The following TAF1B variants were observed in gnomAD, a reference collection of about 807,000 sequenced individuals.
The protein encoded by TAF1B is TATA-box binding protein associated factor, RNA polymerase I subunit B, also known as TATA box-binding protein-associated factor RNA polymerase I subunit B.
A neutral mutation model predicts 83.9 loss-of-function variants in TAF1B; 61 were observed. That is an observed-to-expected ratio of 0.73 (90% CI 0.59 to 0.90). The LOEUF is 0.90. Ranked by LOEUF, TAF1B falls within the 40% of genes least tolerant of loss-of-function variation. The probability of loss-of-function intolerance (pLI) is 0.00; values close to 1 mark genes in which losing one functional copy is unlikely to be tolerated. For synonymous variants in TAF1B, 221 were observed against 224.6 expected (o/e 0.98, Z 0.14); for missense variants, 625 against 677.0 (o/e 0.92, Z 0.85).
At chr2:9,869,557 G>T (rs1664101648) in intron 6 of TAF1B, among the ~76,000 whole-genome samples, 1 of 151,684 alleles carries the variant, frequency 6.6e-6, no homozygotes, top group Non-Finnish European at 1.5e-5. Flanking sequence ...ATGATCCCTA[G>T]AGCTTTCTTT....
chr2:9,852,956 G>A (rs1251441042), intron 4 of TAF1B, among the ~76,000 whole-genome samples: 3 of 152,186 alleles, frequency 2.0e-5, no homozygotes, highest in African/African-American at 4.8e-5. Context: ...TGGATGCTGG[G>A]CCTACCCTGA....
intron 5 of TAF1B, among the ~76,000 whole-genome samples, chr2:9,867,707 C>T (rs906768160): frequency 6.6e-6 from 1 of 151,966 alleles, no homozygotes; most frequent in African/African-American, 2.4e-5. Flanking sequence ...TTCAACAGTA[C>T]ATGTGTGAAC....
rs1445718961 is a variant in TAF1B, at chr2:9,934,008, G to A, written c.*24G>A. 6.5e-7 allele frequency: 1 copy of A among 1,538,650 alleles called. No individual in the cohort carries two copies. Among genetic ancestry groups the A allele is most frequent in the Non-Finnish European group, 8.8e-7 (1 of 1,137,190 alleles). ...GAGAAAATGAAATAGAAACTTTCTG[G>A]AAAAATATTTTAATAGTGATAATAA... On this transcript the variant is annotated 3_prime_UTR_variant, in exon 15 of 15. Transcript: ENST00000263663.
chr2:9,906,691 C>T (rs953617212), intron 9 of TAF1B, among the ~76,000 whole-genome samples: 17 of 152,186 alleles, frequency 1.1e-4, no homozygotes, highest in African/African-American at 3.4e-4. Context: ...TTATGTATAA[C>T]GTAACCACAG....
rs989260396 is a variant in TAF1B at position 9,914,755 on chromosome 2, G to A, written c.1271+1506G>A. 2.6e-5 allele frequency among the ~76,000 whole-genome samples: 4 copies of A among 152,170 alleles called. No homozygotes were observed. The highest frequency in any genetic ancestry group is 2.1e-4 in the South Asian group (1 of 4,822). On this transcript the variant is annotated intron_variant, in intron 12 of 14. Coordinates refer to ENST00000263663, the MANE Select transcript of TAF1B (RefSeq NM_005680.3). This position sits in a 1 kb window ranked among gnomAD's most constrained non-coding sequence, Gnocchi z 4.3. ...AAGGTGGAGGCTGTCGAGGGGACCC[G>A]TTTCCAAGGTCCTTCTTCCTAGAGT...
chr2:9,900,780 C>T (rs1286975632), intron 8 of TAF1B, among the ~76,000 whole-genome samples: 2 of 151,966 alleles, frequency 1.3e-5, no homozygotes, highest in Non-Finnish European at 2.9e-5. Context: ...TTGCTTTTTG[C>T]GACAGGGTAA....
At chr2:9,897,710 G>A (rs447476) in intron 8 of TAF1B, among the ~76,000 whole-genome samples, 42,464 of 152,016 alleles carry the variant, frequency 0.28, 6,917 homozygotes, top group Middle Eastern at 0.4. Context: ...CTTCAAATGA[G>A]GGCCTTATTG....
chr2:9,903,621 A>T (rs1017390318), intron 8 of TAF1B, among the ~76,000 whole-genome samples: 1 of 152,198 alleles, frequency 6.6e-6, no homozygotes, highest in Admixed American at 6.5e-5. Flanking sequence ...TGAATTGTGG[A>T]TTTTTAACTA....
intron 5 of TAF1B, among the ~76,000 whole-genome samples, chr2:9,855,066 C>CT (rs1055220075): frequency 2.0e-4 from 30 of 152,280 alleles, no homozygotes; most frequent in African/African-American, 7.0e-4. Context: ...GCCATCTTGG[C>CT]TCACTGCAAC....
At chr2:9,867,695 G>A (rs1012418732) in intron 5 of TAF1B, among the ~76,000 whole-genome samples, 5 of 150,286 alleles carry the variant, frequency 3.3e-5, no homozygotes, top group Non-Finnish European at 5.9e-5. Flanking sequence ...ACACTCTGTT[G>A]TTTCAACAGT....
chr2:9,902,113 A>G (rs1665195164), intron 8 of TAF1B, among the ~76,000 whole-genome samples: 1 of 152,180 alleles, frequency 6.6e-6, no homozygotes, highest in Non-Finnish European at 1.5e-5. Context: ...ATAGTTATAA[A>G]TTCTAAAAAT....
chr2:9,905,334 C>T (rs1269467956), intron 9 of TAF1B, among the ~76,000 whole-genome samples: 1 of 152,100 alleles, frequency 6.6e-6, no homozygotes, highest in Non-Finnish European at 1.5e-5. Flanking sequence ...AATGACCTGT[C>T]CTCCATCCCA....
intron 5 of TAF1B, among the ~76,000 whole-genome samples, chr2:9,858,762 T>C (rs890550504): frequency 6.6e-6 from 1 of 152,238 alleles, no homozygotes; most frequent in Non-Finnish European, 1.5e-5. Flanking sequence ...TGAGCTATAC[T>C]TTGGTGCCTT....
intron 2 of TAF1B, chr2:9,846,227 C>G (rs1663203492): frequency 2.4e-6 from 1 of 417,644 alleles, no homozygotes; most frequent in Non-Finnish European, 4.8e-6. Flanking sequence ...CCCATCACAC[C>G]TGCCTCTTAA....
chr2:9,926,339 T>C (rs1459066388), intron 14 of TAF1B, among the ~76,000 whole-genome samples: 3 of 152,336 alleles, frequency 2.0e-5, no homozygotes, highest in East Asian at 3.9e-4. Flanking sequence ...GTGGTTGACA[T>C]GGCTCATAAG....
chr2:9,890,951 T>C (rs1379283742), intron 8 of TAF1B, among the ~76,000 whole-genome samples: 1 of 152,076 alleles, frequency 6.6e-6, no homozygotes, highest in East Asian at 1.9e-4. Context: ...TTTGTATTTT[T>C]AGTAGAGATG....
intron 8 of TAF1B, among the ~76,000 whole-genome samples, chr2:9,889,255 T>A (rs1664789884): frequency 6.6e-6 from 1 of 151,880 alleles, no homozygotes; most frequent in Non-Finnish European, 1.5e-5. Context: ...TATGGTACCA[T>A]AGCTCCCTGA....
At chr2:9,886,153 C>G (rs1449950974) in intron 8 of TAF1B, among the ~76,000 whole-genome samples, 2 of 151,806 alleles carry the variant, frequency 1.3e-5, no homozygotes, top group African/African-American at 4.8e-5. Flanking sequence ...CCCTTCCAGA[C>G]TGGAAAAACT....
chr2:9,856,705 TA>T (rs1288747087), intron 5 of TAF1B, among the ~76,000 whole-genome samples: 1 of 152,102 alleles, frequency 6.6e-6, no homozygotes. Context: ...AAGTTTTTTT[TA>T]AAAAAAGGTT....
Sources: allele counts gnomAD v4.1 joint callset (sites outside exome capture counted in the v4.1 genomes callset), GRCh38; gene constraint gnomAD v4.1.1; non-coding constraint Gnocchi (gnomAD v3.1); transcripts MANE v1.5; gene names NCBI Gene and HGNC (gene_info 2026-07-23, HGNC 2026-07-21).